Variants in ZFPM2 observed in about 807,000 individuals in gnomAD.
The protein encoded by ZFPM2 is zinc finger protein ZFPM2.
ZFPM2 carries 20 observed loss-of-function variants against 98.6 expected under a neutral mutation model. The ratio of observed to expected loss-of-function variants is 0.20; its 90% CI spans 0.14 to 0.29. The LOEUF is 0.29. Among genes scored for constraint, ZFPM2 ranks in the 10% least tolerant of loss-of-function variants. The pLI, the probability that ZFPM2 is intolerant of heterozygous loss-of-function variation, is 1.00. For missense variants in ZFPM2, 1,310 were observed against 1,388.6 expected, an observed-to-expected ratio of 0.94 and a Z score of 0.90; for synonymous variants, 518 against 502.7, an observed-to-expected ratio of 1.03 and a Z score of -0.41.
intron 3 of ZFPM2, among the ~76,000 whole-genome samples, chr8:105,509,140 T>C (rs956037062): frequency 1.3e-5 from 2 of 152,184 alleles, no homozygotes; most frequent in African/African-American, 2.4e-5. Context: ...ATAGGTGTTA[T>C]CTGATTGGGT....
chr8:105,396,755 C>T (rs1274239745), intron 1 of ZFPM2, among the ~76,000 whole-genome samples: 2 of 152,018 alleles, frequency 1.3e-5, no homozygotes, highest in African/African-American at 4.8e-5. Flanking sequence ...CTTTTAGGGT[C>T]TAACAAAATA....
intron 3 of ZFPM2, among the ~76,000 whole-genome samples, chr8:105,451,927 T>A (rs1243247012): frequency 1.3e-5 from 2 of 152,184 alleles, no homozygotes; most frequent in Non-Finnish European, 2.9e-5. Flanking sequence ...CAAAAATATA[T>A]TATTTCTATG....
At chr8:105,662,834 C>G (rs1252461614) in intron 5 of ZFPM2, 3 of 152,092 alleles carry the variant, frequency 2.0e-5, no homozygotes, top group Non-Finnish European at 1.5e-5. Context: ...GCTGTCCCTT[C>G]TGATGCCGTC....
intron 1 of ZFPM2, among the ~76,000 whole-genome samples, chr8:105,324,288 A>G: frequency 6.6e-6 from 1 of 151,714 alleles, no homozygotes; most frequent in East Asian, 1.9e-4. Context: ...TAATATATCT[A>G]TGTTTTGCCT....
At chr8:105,719,898 G>A (rs1404456791) in intron 5 of ZFPM2, among the ~76,000 whole-genome samples, 2 of 152,012 alleles carry the variant, frequency 1.3e-5, no homozygotes, top group South Asian at 4.2e-4. Context: ...AAATTTAACA[G>A]CCTTGATAGC....
intron 1 of ZFPM2, among the ~76,000 whole-genome samples, chr8:105,403,884 ATAGTTCCTGG>A (rs1271142603): frequency 6.6e-6 from 1 of 151,940 alleles, no homozygotes; most frequent in Non-Finnish European, 1.5e-5. Flanking sequence ...CTCCTTATTG[ATAGTTCCTGG>A]TAATATTTAT....
chr8:105,649,538 A>G (rs1477965718), intron 5 of ZFPM2, among the ~76,000 whole-genome samples: 1 of 152,168 alleles, frequency 6.6e-6, no homozygotes, highest in Non-Finnish European at 1.5e-5. Context: ...AGCTCTTATT[A>G]TTTTGAGATA....
chr8:105,796,861 G>T (rs1370878822), intron 6 of ZFPM2: 1 of 152,154 alleles, frequency 6.6e-6, no homozygotes, highest in Non-Finnish European at 1.5e-5. Flanking sequence ...CCCTCTGGAT[G>T]GTGACTCCTT....
At chr8:105,715,630 A>G (rs1338810635) in intron 5 of ZFPM2, among the ~76,000 whole-genome samples, 1 of 152,042 alleles carries the variant, frequency 6.6e-6, no homozygotes, top group African/African-American at 2.4e-5. Context: ...AACATTTACC[A>G]GAATAATATT....
At chr8:105,333,805 A>C (rs551619885) in intron 1 of ZFPM2, among the ~76,000 whole-genome samples, 85 of 151,714 alleles carry the variant, frequency 5.6e-4, no homozygotes, top group African/African-American at 2.0e-3. Context: ...AAAAAAAATC[A>C]GTATGGCATG....
chr8:105,476,282 G>T (rs1792782860), intron 3 of ZFPM2, among the ~76,000 whole-genome samples: 1 of 152,188 alleles, frequency 6.6e-6, no homozygotes, highest in Non-Finnish European at 1.5e-5. Flanking sequence ...GCAGGTGAGT[G>T]GCGGGCGAGT....
At chr8:105,658,604 AAAAAAAAG>A (rs1817332365) in intron 5 of ZFPM2, among the ~76,000 whole-genome samples, 1 of 149,396 alleles carries the variant, frequency 6.7e-6, no homozygotes, top group African/African-American at 2.4e-5. Flanking sequence ...AAAAAAAAAA[AAAAAAAAG>A]AAATCAAAGC....
chr8:105,547,687 T>C (rs898200023), intron 3 of ZFPM2, among the ~76,000 whole-genome samples: 11 of 152,158 alleles, frequency 7.2e-5, no homozygotes, highest in South Asian at 6.2e-4. Context: ...GTAAGTCATC[T>C]TTACATTTAT....
rs1202683525 is a variant in ZFPM2 at position 105,801,879 on chromosome 8, T to A, written c.1797T>A (p.Thr599=). The change falls in exon 8 of 8, where the codon ACT becomes ACA. Residue 599 remains threonine (T), a synonymous_variant. Coordinates refer to ENST00000407775, the MANE Select transcript of ZFPM2 (RefSeq NM_012082.4). ...EKMPEALSPN[T]GQTSINLLNP... ...TGCCTGAAGCTTTGAGTCCCAACACTGGCCAAACCTCCATAAACCTTCTCA... is the reference window on the plus strand; with the variant it reads ...TGCCTGAAGCTTTGAGTCCCAACACAGGCCAAACCTCCATAAACCTTCTCA... The A allele has an allele frequency of 1.2e-6, 2 of 1,613,858 alleles. No homozygotes were observed. The highest frequency in any genetic ancestry group is 1.7e-6 in the Non-Finnish European group (2 of 1,179,874).
Position 105,497,018 on chromosome 8 carries a change from C to G in ZFPM2, c.301+52637C>G, listed in dbSNP as rs567164424. ...AAAAAAAAAAAAGAGATGAGTCTCG[C>G]TCTGTCGCCCAGGCTGGAGTGCAGT... On this transcript the variant is annotated intron_variant, in intron 3 of 7. Coordinates refer to ENST00000407775, the MANE Select transcript of ZFPM2 (RefSeq NM_012082.4). Among the ~76,000 whole-genome samples, 11 of 145,868 alleles carry G rather than the reference C, an allele frequency of 7.5e-5. No individual in the cohort carries two copies. In the South Asian group the frequency reaches 2.5e-3, roughly 33 times the overall value.
chr8:105,494,190 T>C (rs1423947009), intron 3 of ZFPM2, among the ~76,000 whole-genome samples: 1 of 52,278 alleles, frequency 1.9e-5, no homozygotes, highest in Non-Finnish European at 3.8e-5. Flanking sequence ...AAAGTATATA[T>C]ATATATATAT....
At chr8:105,346,800 G>T (rs1483276386) in intron 1 of ZFPM2, among the ~76,000 whole-genome samples, 2 of 152,080 alleles carry the variant, frequency 1.3e-5, no homozygotes, top group African/African-American at 4.8e-5. Flanking sequence ...GCTCCATTTT[G>T]TCAGTGAAAG....
intron 1 of ZFPM2, among the ~76,000 whole-genome samples, chr8:105,346,673 CT>C (rs1207007422): frequency 6.6e-6 from 1 of 152,138 alleles, no homozygotes; most frequent in African/African-American, 2.4e-5. Context: ...CATTATTTAC[CT>C]GCATTATCCT....
chr8:105,729,188 C>T (rs1168468960), intron 5 of ZFPM2, among the ~76,000 whole-genome samples: 1 of 151,626 alleles, frequency 6.6e-6, no homozygotes, highest in Non-Finnish European at 1.5e-5. Context: ...AGGTTAAGTT[C>T]ATTATTGTCT....
Sources: allele counts gnomAD v4.1 joint callset (sites outside exome capture counted in the v4.1 genomes callset), GRCh38; gene constraint gnomAD v4.1.1; transcripts MANE v1.5; gene names NCBI Gene and HGNC (gene_info 2026-07-23, HGNC 2026-07-21).